Variants in TBC1D1 observed in about 807,000 individuals in gnomAD.
TBC1D1 encodes TBC1 domain family member 1.
Under a neutral mutation model 125.6 loss-of-function variants are expected in TBC1D1, and 89 were observed. The ratio of observed to expected loss-of-function variants is 0.71; its 90% CI spans 0.60 to 0.85. The LOEUF is 0.85. TBC1D1 is among the 40% of genes least tolerant of loss of function. The pLI, the probability that TBC1D1 is intolerant of heterozygous loss-of-function variation, is 0.00. For synonymous variants in TBC1D1, 565 were observed against 564.1 expected (o/e 1.00, Z -0.02); for missense variants, 1,377 against 1,469.2 (o/e 0.94, Z 1.03).
chr4:38,101,144 A>G (rs761096586), intron 14 of TBC1D1, among the ~76,000 whole-genome samples: 2 of 152,210 alleles, frequency 1.3e-5, no homozygotes, highest in Non-Finnish European at 2.9e-5. Flanking sequence ...AATCAGTGCT[A>G]TCTGCTGCTG....
chr4:37,929,191 C>T (rs1158192905), intron 2 of TBC1D1, among the ~76,000 whole-genome samples: 1 of 152,160 alleles, frequency 6.6e-6, no homozygotes. Context: ...TTTTAAATAG[C>T]CAGTCTAGCA....
intron 2 of TBC1D1, among the ~76,000 whole-genome samples, chr4:37,980,625 G>GA (rs1415532600): frequency 1.3e-5 from 2 of 152,290 alleles, no homozygotes; most frequent in East Asian, 3.9e-4. Context: ...CAGTTTATGA[G>GA]AAAAAATGGA....
At chr4:37,894,417 T>A (rs1029788406) in intron 1 of TBC1D1, among the ~76,000 whole-genome samples, 9 of 152,174 alleles carry the variant, frequency 5.9e-5, no homozygotes, top group African/African-American at 1.9e-4. Flanking sequence ...AAACTCTTGA[T>A]ATGTAGGTTT....
In TBC1D1 at chr4:37,935,831, C is replaced by T. The variant is rs1030389198; in HGVS notation, c.417+33319C>T. Among the ~76,000 whole-genome samples, 7 of 152,192 alleles carry T rather than the reference C, an allele frequency of 4.6e-5. No homozygotes were observed. In the South Asian group the frequency reaches 1.4e-3, roughly 31 times the overall value. On this transcript the variant is annotated intron_variant, in intron 2 of 19. Coordinates refer to ENST00000261439, the MANE Select transcript of TBC1D1 (RefSeq NM_015173.4). Reference sequence around the variant, plus strand: ...CCTCCCAATGGCTTACATCTCCTGGCCCCACCATCCTGAACCCCTGCCATC... The same window carrying T: ...CCTCCCAATGGCTTACATCTCCTGGTCCCACCATCCTGAACCCCTGCCATC...
Position 38,018,385 on chromosome 4 carries a change from C to T in TBC1D1, c.914C>T (p.Pro305Leu). ...CAGTCTGAAGTTTACCTCATCAGTC[C>T]TGACACCAAAAAAATAGCATTGGAG... The change falls in exon 4 of 20, where the codon CCT (proline) becomes CTT (leucine). Residue 305 changes from proline (P) to leucine (L), a missense_variant. Physicochemically the swap from Pro to Leu is moderately conservative, Grantham distance 98. This residue lies in a region of TBC1D1 where 822 missense variants were observed against 824.6 expected (regional missense o/e 1.00). Coordinates refer to ENST00000261439, the MANE Select transcript of TBC1D1 (RefSeq NM_015173.4). The T allele has an allele frequency of 1.2e-6, 2 of 1,611,764 alleles. No homozygotes were observed. The highest frequency in any genetic ancestry group is 1.3e-5 in the African/African-American group (1 of 74,822).
intron 1 of TBC1D1, among the ~76,000 whole-genome samples, chr4:37,899,291 G>A (rs1715324738): frequency 1.3e-5 from 2 of 152,136 alleles, no homozygotes; most frequent in African/African-American, 2.4e-5. Flanking sequence ...TGGGAAGGAG[G>A]GAGATGAGAC....
chr4:38,133,059 G>C (rs768363318), intron 18 of TBC1D1, 25 bp from the exon 21 acceptor site: 2 of 1,598,776 alleles, frequency 1.3e-6, no homozygotes, highest in African/African-American at 1.3e-5. Flanking sequence ...GTTTTAGTAC[G>C]TGATGACTTT....
chr4:38,070,939 G>T (rs923504056), intron 12 of TBC1D1, among the ~76,000 whole-genome samples: 4 of 152,208 alleles, frequency 2.6e-5, no homozygotes, highest in African/African-American at 9.6e-5. Context: ...CCAGTATTCA[G>T]ATTTGTTGGA....
intron 12 of TBC1D1, among the ~76,000 whole-genome samples, chr4:38,087,475 G>T (rs1421057241): frequency 6.6e-6 from 1 of 152,180 alleles, no homozygotes; most frequent in Non-Finnish European, 1.5e-5. Flanking sequence ...GAAGGCTGTG[G>T]TAAACAGGAA....
chr4:38,021,631 G>T lies in TBC1D1; in HGVS notation c.1123G>T (p.Ala375Ser), dbSNP rs763320509. 8 of 1,590,262 alleles carry T rather than the reference G, an allele frequency of 5.0e-6. No homozygotes were observed. Among genetic ancestry groups the T allele is most frequent in the Non-Finnish European group, 6.8e-6 (8 of 1,169,326 alleles). Residue 375 changes from alanine (A) to serine (S), a missense_variant, in exon 6 of 20, where the codon GCA (alanine) becomes TCA (serine). This residue lies in a region of TBC1D1 where 822 missense variants were observed against 824.6 expected (regional missense o/e 1.00). Transcript: ENST00000261439. ...CCTGAAACAGGCCTTCACGGTGGCC[G>T]CAGTGCAGCAGACAGCTAAGGCGCC... is the stretch of plus-strand genomic sequence containing the variant.
intron 7 of TBC1D1, among the ~76,000 whole-genome samples, chr4:38,030,962 G>A (rs766832650): frequency 3.3e-5 from 5 of 152,204 alleles, no homozygotes; most frequent in African/African-American, 7.2e-5. Context: ...CTGTAAACAA[G>A]CTAATTTTGA....
chr4:38,134,447 A>G (rs1423606200), intron 19 of TBC1D1, among the ~76,000 whole-genome samples: 3 of 152,066 alleles, frequency 2.0e-5, no homozygotes, highest in East Asian at 3.8e-4. Flanking sequence ...CCTGTATACA[A>G]TTTACCCTGG....
chr4:38,024,504 A>G (rs1242143242), intron 6 of TBC1D1, among the ~76,000 whole-genome samples: 1 of 152,206 alleles, frequency 6.6e-6, no homozygotes, highest in Non-Finnish European at 1.5e-5. Flanking sequence ...GGAATTAATC[A>G]TTTGATCCAT....
chr4:38,129,588 G>A (rs1398295968), intron 18 of TBC1D1, among the ~76,000 whole-genome samples: 1 of 152,162 alleles, frequency 6.6e-6, no homozygotes, highest in African/African-American at 2.4e-5. Context: ...AGATTGGAGG[G>A]CAGGGGGTTA....
intron 2 of TBC1D1, among the ~76,000 whole-genome samples, chr4:37,909,873 A>T (rs554348251): frequency 1.3e-3 from 203 of 152,258 alleles, no homozygotes; most frequent in African/African-American, 4.8e-3. Flanking sequence ...CATGTCAGCT[A>T]ATCAGCACTT....
At chr4:38,050,940 G>T (rs1163912669) in intron 11 of TBC1D1, among the ~76,000 whole-genome samples, 1 of 152,226 alleles carries the variant, frequency 6.6e-6, no homozygotes, top group Non-Finnish European at 1.5e-5. Flanking sequence ...ATGTCAGAAG[G>T]TACTGCTTAA....
intron 12 of TBC1D1, among the ~76,000 whole-genome samples, chr4:38,065,644 C>CTTTT (rs11447003): frequency 8.4e-5 from 10 of 119,636 alleles, no homozygotes; most frequent in African/African-American, 2.7e-4. Flanking sequence ...GTATTACCGC[C>CTTTT]TTTTTTTTTT....
intron 8 of TBC1D1, among the ~76,000 whole-genome samples, chr4:38,038,164 T>G (rs989837414): frequency 1.2e-4 from 18 of 152,346 alleles, no homozygotes; most frequent in Admixed American, 1.0e-3. Flanking sequence ...CCACTTTGTC[T>G]GATGTCTAAG....
intron 12 of TBC1D1, among the ~76,000 whole-genome samples, chr4:38,068,374 CT>C (rs1191295509): frequency 6.6e-6 from 1 of 152,124 alleles, no homozygotes. Context: ...AGATCATTTC[CT>C]TTTGCCCAGG....
Sources: allele counts gnomAD v4.1 joint callset (sites outside exome capture counted in the v4.1 genomes callset), GRCh38; gene constraint gnomAD v4.1.1; regional missense constraint gnomAD v4.1.1; transcripts MANE v1.5; gene names NCBI Gene and HGNC (gene_info 2026-07-23, HGNC 2026-07-21).